Variants in GRID2 observed in about 807,000 individuals in gnomAD.
GRID2 encodes the protein glutamate ionotropic receptor delta type subunit 2, also known as glutamate receptor ionotropic, delta-2.
In GRID2, 33 loss-of-function variants were observed where a neutral mutation model predicts 114.8. The ratio of observed to expected loss-of-function variants is 0.29; its 90% CI spans 0.22 to 0.38. The LOEUF (loss-of-function observed/expected upper bound fraction) is 0.38. Ranked by LOEUF, GRID2 falls within the 10% of genes least tolerant of loss-of-function variation. The pLI is 1.00. For missense variants in GRID2, 1,184 were observed against 1,257.7 expected (o/e 0.94, Z 0.89); for synonymous variants, 505 against 449.9 (o/e 1.12, Z -1.55).
At chr4:93,542,969 C>G (rs577416682) in intron 13 of GRID2, among the ~76,000 whole-genome samples, 1 of 152,232 alleles carries the variant, frequency 6.6e-6, no homozygotes, top group African/African-American at 2.4e-5. Context: ...ACTGAGGTTA[C>G]AAGCCAACAA....
intron 2 of GRID2, among the ~76,000 whole-genome samples, chr4:92,654,639 A>T (rs1732135660): frequency 6.6e-6 from 1 of 151,504 alleles, no homozygotes; most frequent in African/African-American, 2.4e-5. Context: ...TGTGGTTTTG[A>T]TTTGCATTTC....
chr4:92,965,051 T>C (rs1378528565), intron 2 of GRID2, among the ~76,000 whole-genome samples: 2 of 151,980 alleles, frequency 1.3e-5, no homozygotes, highest in Non-Finnish European at 2.9e-5. Flanking sequence ...TTCTAAATTT[T>C]GATTTAAAGT....
intron 4 of GRID2, among the ~76,000 whole-genome samples, chr4:93,175,474 T>C (rs1265169436): frequency 2.6e-5 from 4 of 151,988 alleles, no homozygotes; most frequent in Admixed American, 2.6e-4. Context: ...CACAGCATAA[T>C]GCTTAATAAT....
chr4:92,744,913 G>A (rs1737071760), intron 2 of GRID2, among the ~76,000 whole-genome samples: 1 of 152,078 alleles, frequency 6.6e-6, no homozygotes, highest in Non-Finnish European at 1.5e-5. Context: ...TGTAGCAAAG[G>A]GAAGGGCTAA....
intron 2 of GRID2, among the ~76,000 whole-genome samples, chr4:92,994,683 C>T (rs578158358): frequency 1.3e-5 from 2 of 152,230 alleles, no homozygotes; most frequent in South Asian, 4.2e-4. Flanking sequence ...TGATGTTCAA[C>T]ACATGCAACA....
chr4:92,871,670 A>G (rs896388184), intron 2 of GRID2, among the ~76,000 whole-genome samples: 6 of 152,018 alleles, frequency 3.9e-5, no homozygotes, highest in Admixed American at 3.3e-4. Flanking sequence ...CACTTTCGAA[A>G]CCGGCAAATA....
At chr4:92,920,572 G>A (rs867129276) in intron 2 of GRID2, among the ~76,000 whole-genome samples, 4 of 152,096 alleles carry the variant, frequency 2.6e-5, no homozygotes, top group African/African-American at 9.7e-5. Context: ...GCATTTGCTT[G>A]TCTGTAAAGG....
At chr4:93,014,445 A>C (rs1362237041) in intron 2 of GRID2, among the ~76,000 whole-genome samples, 3 of 152,104 alleles carry the variant, frequency 2.0e-5, no homozygotes, top group Non-Finnish European at 4.4e-5. Context: ...TGGGGCTGGA[A>C]CTACAGCATA....
chr4:92,453,350 A>G (rs765973933), intron 1 of GRID2, among the ~76,000 whole-genome samples: 7 of 152,128 alleles, frequency 4.6e-5, no homozygotes, highest in Admixed American at 4.6e-4. Context: ...GGAGTATTAC[A>G]TCTTTTAGAA....
At chr4:93,791,202 T>C (rs994013373) in intron 1 of GRID2, among the ~76,000 whole-genome samples, 1 of 152,056 alleles carries the variant, frequency 6.6e-6, no homozygotes, top group Non-Finnish European at 1.5e-5. Context: ...ACCTGCAATA[T>C]AAAATAAAAA....
intron 2 of GRID2, among the ~76,000 whole-genome samples, chr4:92,776,511 G>GGT (rs1672251718): frequency 6.6e-6 from 1 of 151,892 alleles, no homozygotes; most frequent in African/African-American, 2.4e-5. Context: ...TGTGTGTGAG[G>GGT]GTGTGTGTGC....
At chr4:92,507,441 T>TG (rs1560677596) in intron 1 of GRID2, among the ~76,000 whole-genome samples, 17 of 123,148 alleles carry the variant, frequency 1.4e-4, no homozygotes, top group African/African-American at 5.6e-4. Context: ...GTGTGTGTGT[T>TG]TGTGTGTATG....
intron 2 of GRID2, among the ~76,000 whole-genome samples, chr4:92,805,566 C>T (rs776447742): frequency 3.3e-5 from 5 of 151,916 alleles, no homozygotes; most frequent in African/African-American, 4.8e-5. Flanking sequence ...TTGGAGACAT[C>T]GTTTGGGAAA....
chr4:93,356,506 A>AT (rs561261214), intron 8 of GRID2, among the ~76,000 whole-genome samples: 52 of 151,142 alleles, frequency 3.4e-4, no homozygotes, highest in Non-Finnish European at 5.8e-4. Context: ...TGCTTTTATG[A>AT]TTTTTTTCTA....
intron 2 of GRID2, among the ~76,000 whole-genome samples, chr4:92,777,272 A>T (rs72663568): frequency 0.087 from 13,143 of 151,918 alleles, 662 homozygotes; most frequent in African/African-American, 0.14. Flanking sequence ...GAAATTTTTT[A>T]AAAATACTAT....
intron 1 of GRID2, among the ~76,000 whole-genome samples, chr4:92,397,706 A>G (rs1294677273): frequency 1.3e-5 from 2 of 152,116 alleles, no homozygotes; most frequent in Non-Finnish European, 2.9e-5. Context: ...AGCTCCCATC[A>G]TGAGGGGAAG....
chr4:93,407,746 TCCTC>T (rs1766631214), intron 9 of GRID2, among the ~76,000 whole-genome samples: 2 of 118,880 alleles, frequency 1.7e-5, no homozygotes, highest in Non-Finnish European at 3.4e-5. Flanking sequence ...CTCCTCCTCC[TCCTC>T]CTCCTCGTCC....
intron 2 of GRID2, among the ~76,000 whole-genome samples, chr4:93,021,701 T>A (rs982909750): frequency 6.9e-6 from 1 of 145,450 alleles, no homozygotes; most frequent in Admixed American, 7.0e-5. Context: ...ATGTATATTA[T>A]GAATATTATA....
chr4:93,100,662 C>T (rs1731615376), intron 3 of GRID2, among the ~76,000 whole-genome samples: 2 of 151,894 alleles, frequency 1.3e-5, no homozygotes, highest in African/African-American at 2.4e-5. Context: ...TTCAGAAACA[C>T]CAAGACTGGC....
Sources: allele counts gnomAD v4.1 joint callset (sites outside exome capture counted in the v4.1 genomes callset), GRCh38; gene constraint gnomAD v4.1.1; transcripts MANE v1.5; gene names NCBI Gene and HGNC (gene_info 2026-07-23, HGNC 2026-07-21).